Variants in PCDH11X observed in about 807,000 individuals in gnomAD.
PCDH11X encodes protocadherin 11 X-linked, also known as protocadherin-11 X-linked.
A neutral mutation model predicts 53.3 loss-of-function variants in PCDH11X; 18 were observed. The ratio of observed to expected loss-of-function variants is 0.34; its 90% CI spans 0.23 to 0.50. PCDH11X has a LOEUF of 0.50. PCDH11X is among the 20% of genes least tolerant of loss of function. PCDH11X has a pLI of 0.98. For missense variants in PCDH11X, 570 were observed against 1,032.4 expected (o/e 0.55, Z 6.14); for synonymous variants, 279 against 393.3 (o/e 0.71, Z 3.44).
At chrX:92,484,177 GTATGTA>G (rs368700752) in intron 10 of PCDH11X, among the ~76,000 whole-genome samples, 1,452 of 39,721 alleles carry the variant, frequency 0.037, 35 homozygotes, top group African/African-American at 0.11. Context: ...GTATATATAT[GTATGTA>G]TATATATGTA....
chrX:92,402,714 A>C (rs1249591738), intron 9 of PCDH11X, among the ~76,000 whole-genome samples: 1 of 111,129 alleles, frequency 9.0e-6, no homozygotes, highest in Admixed American at 9.6e-5. Flanking sequence ...CGACATAGGA[A>C]CTGGCAAAGA....
At chrX:91,981,601 T>C (rs1297977560) in intron 6 of PCDH11X, among the ~76,000 whole-genome samples, 1 of 111,759 alleles carries the variant, frequency 8.9e-6, no homozygotes, top group Non-Finnish European at 1.9e-5. Flanking sequence ...TCCATTTTCA[T>C]TGTGCTGATA....
intron 6 of PCDH11X, among the ~76,000 whole-genome samples, chrX:92,147,988 T>TTC (rs1569388770): frequency 1.8e-4 from 14 of 79,440 alleles, no homozygotes; most frequent in African/African-American, 9.1e-4. Context: ...TTCCTTCCTT[T>TTC]CTTTCTTTCT....
At chrX:91,898,945 GTTC>G (rs1326690955) in intron 6 of PCDH11X, among the ~76,000 whole-genome samples, 1 of 109,037 alleles carries the variant, frequency 9.2e-6, no homozygotes, top group Non-Finnish European at 1.9e-5. Context: ...ATGATGGATT[GTTC>G]AGAACCTCAA....
At chrX:92,388,802 A>G (rs1389134186) in intron 9 of PCDH11X, among the ~76,000 whole-genome samples, 1 of 102,649 alleles carries the variant, frequency 9.7e-6, no homozygotes, top group East Asian at 3.1e-4. Context: ...TGGCAAAAAC[A>G]TAAATAAGGT....
At chrX:92,255,998 G>A (rs756190295) in intron 7 of PCDH11X, among the ~76,000 whole-genome samples, 2 of 112,189 alleles carry the variant, frequency 1.8e-5, no homozygotes, top group Non-Finnish European at 3.8e-5. Flanking sequence ...TTTACCTAAG[G>A]AAGCCTGGGC....
chrX:91,807,479 G>A (rs1451341436), intron 1 of PCDH11X, among the ~76,000 whole-genome samples: 1 of 108,764 alleles, frequency 9.2e-6, no homozygotes, highest in Admixed American at 9.9e-5. Context: ...TCTGTGAGGG[G>A]GAGAGAGAGA....
At chrX:91,823,794 A>T (rs1477046000) in intron 4 of PCDH11X, among the ~76,000 whole-genome samples, 2 of 110,945 alleles carry the variant, frequency 1.8e-5, no homozygotes, top group East Asian at 5.7e-4. Context: ...TTTTGGCATG[A>T]TTTTGCAGTG....
intron 8 of PCDH11X, among the ~76,000 whole-genome samples, chrX:92,308,560 T>A (rs1246514632): frequency 1.8e-5 from 2 of 110,510 alleles, no homozygotes; most frequent in Non-Finnish European, 3.8e-5. Flanking sequence ...GAAGAAAACA[T>A]AGGGGAAAAG....
intron 10 of PCDH11X, among the ~76,000 whole-genome samples, chrX:92,537,019 T>C (rs940231418): frequency 9.0e-6 from 1 of 111,568 alleles, no homozygotes; most frequent in African/African-American, 3.3e-5. Context: ...CTCCAATCTA[T>C]TGCCTGTTTT....
intron 7 of PCDH11X, among the ~76,000 whole-genome samples, chrX:92,208,953 A>G (rs2066530790): frequency 9.0e-6 from 1 of 110,885 alleles, no homozygotes; most frequent in Admixed American, 9.6e-5. Context: ...GGAGTGAAGA[A>G]GGAAGTCCTA....
intron 6 of PCDH11X, among the ~76,000 whole-genome samples, chrX:91,939,913 A>T (rs1260749603): frequency 1.8e-5 from 2 of 109,801 alleles, no homozygotes; most frequent in African/African-American, 6.7e-5. Context: ...ACTACAAATG[A>T]TCACTACAGG....
chrX:92,275,543 G>A lies in PCDH11X; in HGVS notation c.3144+12400G>A, dbSNP rs760821506. 6.3e-5 allele frequency among the ~76,000 whole-genome samples: 7 copies of A among 111,415 alleles called. 1 individual carries two copies. The South Asian group carries it at 2.7e-3, about 42-fold the overall frequency. On this transcript the variant is annotated intron_variant, in intron 8 of 10. Transcript: ENST00000682573. ...AGGGTGCAAAGGAATAGTAAAGAAA[G>A]CATGTTTGAGATCCAGAACAGAATA...
chrX:92,070,730 A>G (rs1408272555), intron 6 of PCDH11X, among the ~76,000 whole-genome samples: 4 of 111,009 alleles, frequency 3.6e-5, no homozygotes, highest in Non-Finnish European at 7.5e-5. Context: ...AAAGTTTTCT[A>G]ATATTATCCA....
chrX:92,348,788 G>A (rs2522690), intron 8 of PCDH11X, among the ~76,000 whole-genome samples: 3 of 108,009 alleles, frequency 2.8e-5, no homozygotes, highest in Admixed American at 1.0e-4. Flanking sequence ...CACTCACCTC[G>A]GCCTCCCAAA....
At chrX:92,286,454 T>TAAAA (rs58210957) in intron 8 of PCDH11X, among the ~76,000 whole-genome samples, 2 of 82,653 alleles carry the variant, frequency 2.4e-5, no homozygotes, top group African/African-American at 9.0e-5. Flanking sequence ...ATTCAAAAAG[T>TAAAA]AAAAAAAAAA....
intron 6 of PCDH11X, among the ~76,000 whole-genome samples, chrX:92,046,487 G>A (rs2759829): frequency 0.37 from 41,022 of 110,211 alleles, 7,697 homozygotes; most frequent in East Asian, 0.84. Context: ...GGAAGGTACC[G>A]TCTATTTCTT....
At chrX:91,968,420 T>C (rs2571875) in intron 6 of PCDH11X, among the ~76,000 whole-genome samples, 33,518 of 107,336 alleles carry the variant, frequency 0.31, 4,764 homozygotes, top group African/African-American at 0.47. Context: ...ACAGTTAAAG[T>C]GACTGAGTCA....
chrX:91,940,824 C>T (rs1283270097), intron 6 of PCDH11X, among the ~76,000 whole-genome samples: 1 of 108,260 alleles, frequency 9.2e-6, no homozygotes, highest in African/African-American at 3.4e-5. Flanking sequence ...TGAGCCACTG[C>T]GCCTGGTCAG....
Sources: gnomAD v4.1 joint callset for allele counts (sites outside exome capture counted in the v4.1 genomes callset) on GRCh38, gnomAD v4.1.1 for gene constraint, MANE v1.5 for transcripts, NCBI Gene and HGNC (gene_info 2026-07-23, HGNC 2026-07-21) for gene names.